The following TRA2A variants were observed in gnomAD, a reference collection of about 807,000 sequenced individuals.
TRA2A encodes the protein transformer 2 alpha homolog.
TRA2A carries 31 observed loss-of-function variants against 45.7 expected under a neutral mutation model. The observed-to-expected ratio is 0.68, with a 90% CI of 0.51 to 0.92. The LOEUF is 0.92. Ranked by LOEUF, TRA2A falls within the 40% of genes least tolerant of loss-of-function variation. The pLI is 0.00. For missense variants in TRA2A, 304 were observed against 367.5 expected, an observed-to-expected ratio of 0.83 and a Z score of 1.41; for synonymous variants, 132 against 126.2, an observed-to-expected ratio of 1.05 and a Z score of -0.31.
At chr7:23,517,616 A>T (rs1789945055) in intron 2 of TRA2A, among the ~76,000 whole-genome samples, 1 of 150,838 alleles carries the variant, frequency 6.6e-6, no homozygotes, top group African/African-American at 2.4e-5. Flanking sequence ...AAGACAAAAC[A>T]AAACAAAAAA....
intron 3 of TRA2A, among the ~76,000 whole-genome samples, chr7:23,515,792 C>A (rs972272137): frequency 1.3e-5 from 2 of 151,504 alleles, no homozygotes; most frequent in Admixed American, 1.3e-4. Context: ...GTGACCCACA[C>A]CCTTTGGCCT....
chr7:23,519,593 T>C (rs145978237), intron 2 of TRA2A, among the ~76,000 whole-genome samples: 2 of 152,282 alleles, frequency 1.3e-5, no homozygotes, highest in African/African-American at 2.4e-5. Context: ...CAACAGTCTC[T>C]ACTTTTTTTC....
intron 4 of TRA2A, among the ~76,000 whole-genome samples, chr7:23,511,972 AATT>A (rs1789643673): frequency 1.3e-5 from 2 of 152,304 alleles, no homozygotes; most frequent in East Asian, 1.9e-4. Context: ...CACACATCAG[AATT>A]ATTTTTTAAA....
intron 2 of TRA2A, among the ~76,000 whole-genome samples, chr7:23,517,627 A>T (rs1011928336): frequency 6.7e-6 from 1 of 149,168 alleles, no homozygotes; most frequent in Non-Finnish European, 1.5e-5. Context: ...AAACAAAAAA[A>T]ATCAGGCTGG....
chr7:23,516,338 T>A, intron 3 of TRA2A, 25 bp downstream of exon 3: 2 of 1,612,330 alleles, frequency 1.2e-6, no homozygotes, highest in East Asian at 2.2e-5. Context: ...AAATAAGTCT[T>A]CATTAACTTT....
chr7:23,517,360 TC>T (rs1789921154), intron 2 of TRA2A, among the ~76,000 whole-genome samples: 1 of 149,972 alleles, frequency 6.7e-6, no homozygotes, highest in Non-Finnish European at 1.5e-5. Flanking sequence ...GCACCTGTAG[TC>T]CCAGCTACTT....
chr7:23,519,595 CT>C (rs1264099972), intron 2 of TRA2A, among the ~76,000 whole-genome samples: 2 of 152,130 alleles, frequency 1.3e-5, no homozygotes, highest in African/African-American at 4.8e-5. Context: ...ACAGTCTCTA[CT>C]TTTTTTCAGC....
chr7:23,523,148 A>C (rs1790203988), intron 1 of TRA2A, among the ~76,000 whole-genome samples: 1 of 152,194 alleles, frequency 6.6e-6, no homozygotes, highest in African/African-American at 2.4e-5. Context: ...ACAATGTGCA[A>C]GAAGGTACAA....
chr7:23,513,062 A>G lies in TRA2A; in HGVS notation c.357T>C (p.Thr119=), dbSNP rs201573349. 4 of 1,601,846 alleles carry G rather than the reference A, an allele frequency of 2.5e-6. No homozygotes were observed. The African/African-American group carries it at 4.0e-5, about 16-fold the overall frequency. The change falls in exon 4 of 8, where the codon ACT becomes ACC. Residue 119 remains threonine (T), a synonymous_variant. Transcript: ENST00000297071. ...TGSRANPDPN[T]CLGVFGLSLY... is the part of the protein sequence containing the mutation. ...AACTGAGGCCAAACACTCCAAGGCA[A>G]GTGTTGGGATCTGGATTTGCCTATT...
At chr7:23,523,438 T>G (rs922486004) in intron 1 of TRA2A, among the ~76,000 whole-genome samples, 15 of 152,210 alleles carry the variant, frequency 9.9e-5, no homozygotes, top group Non-Finnish European at 2.1e-4. Context: ...GCCTTGATTA[T>G]CAGTGTAAAT....
At chr7:23,511,169 A>C (rs977163118) in intron 4 of TRA2A, among the ~76,000 whole-genome samples, 1 of 151,892 alleles carries the variant, frequency 6.6e-6, no homozygotes, top group Non-Finnish European at 1.5e-5. Context: ...CAGGAGATTG[A>C]GATCATCCTG....
intron 4 of TRA2A, 57 bp from the exon 5 acceptor site, chr7:23,507,592 T>C (rs1277476901): frequency 1.7e-6 from 2 of 1,205,396 alleles, no homozygotes; most frequent in East Asian, 2.3e-5. Flanking sequence ...AAGTAATCAT[T>C]ACTTAAAATT....
At chr7:23,510,953 T>C (rs1293187883) in intron 4 of TRA2A, among the ~76,000 whole-genome samples, 4 of 152,184 alleles carry the variant, frequency 2.6e-5, no homozygotes, top group Non-Finnish European at 4.4e-5. Context: ...TTTCTCAACC[T>C]TAGCACTATT....
chr7:23,529,421 C>T (rs1014795731), intron 1 of TRA2A, among the ~76,000 whole-genome samples: 15 of 152,108 alleles, frequency 9.9e-5, no homozygotes, highest in Non-Finnish European at 2.1e-4. Flanking sequence ...CCACCACGCC[C>T]GGCTAATTTT....
intron 2 of TRA2A, among the ~76,000 whole-genome samples, 182 bp downstream of exon 2, chr7:23,521,525 C>G (rs1487396330): frequency 6.6e-6 from 1 of 152,186 alleles, no homozygotes; most frequent in Non-Finnish European, 1.5e-5. Flanking sequence ...CCTGGAACTC[C>G]TGGGCTCAAG....
At chr7:23,511,102 T>G (rs1001881438) in intron 4 of TRA2A, among the ~76,000 whole-genome samples, 1 of 151,918 alleles carries the variant, frequency 6.6e-6, no homozygotes, top group Non-Finnish European at 1.5e-5. Context: ...CCAGGCGCGG[T>G]GGCTCACACC....
chr7:23,530,624 G>A (rs1344739423), intron 1 of TRA2A, among the ~76,000 whole-genome samples: 1 of 152,152 alleles, frequency 6.6e-6, no homozygotes, highest in Non-Finnish European at 1.5e-5. Context: ...AATTCCCTAT[G>A]TAGGGTAAAC....
intron 1 of TRA2A, among the ~76,000 whole-genome samples, chr7:23,529,397 A>G (rs1790473831): frequency 6.6e-6 from 1 of 152,140 alleles, no homozygotes; most frequent in Non-Finnish European, 1.5e-5. Context: ...AGTAGCTGTG[A>G]TCACAGGCGC....
Position 23,516,517 on chromosome 7 carries a change from C to A in TRA2A, c.182G>T (p.Arg61Met), listed in dbSNP as rs375165789. Residue 61 changes from arginine (R) to methionine (M), a missense_variant, in exon 3 of 8, where the codon AGG (arginine) becomes ATG (methionine). Physicochemically the swap from Arg to Met is moderately conservative, Grantham distance 91. This residue lies in a region of TRA2A where 132 missense variants were observed against 113.4 expected (regional missense o/e 1.16). Transcript: ENST00000297071. ...RSRSKSRSRS[R>M]RHSHRRYTRS... is the part of the protein sequence containing the mutation. ...AGTGTAACGTCTATGAGAATGTCTC[C>A]TTGACCTCGACCTTTGAGAGAAATA... is the stretch of plus-strand genomic sequence containing the variant. The A allele has an allele frequency of 6.2e-7, 1 of 1,613,908 alleles. No homozygotes were observed. Among genetic ancestry groups the A allele is most frequent in the Non-Finnish European group, 8.5e-7 (1 of 1,179,992 alleles).
Sources: gnomAD v4.1 joint callset for allele counts (sites outside exome capture counted in the v4.1 genomes callset) on GRCh38, gnomAD v4.1.1 for gene constraint, gnomAD v4.1.1 regional missense constraint, MANE v1.5 for transcripts, NCBI Gene and HGNC (gene_info 2026-07-23, HGNC 2026-07-21) for gene names.